The following PTPRD variants were observed in gnomAD, a reference collection of about 807,000 sequenced individuals.
PTPRD encodes protein tyrosine phosphatase receptor type D.
In PTPRD, 34 loss-of-function variants were observed where a neutral mutation model predicts 214.5. That is an observed-to-expected ratio of 0.16 (90% CI 0.12 to 0.21). PTPRD has a LOEUF of 0.21. PTPRD is among the 10% of genes least tolerant of loss of function. PTPRD has a pLI of 1.00. For synonymous variants in PTPRD, 1,128 were observed against 845.7 expected, an observed-to-expected ratio of 1.33 and a Z score of -5.79; for missense variants, 2,545 against 2,398.7, an observed-to-expected ratio of 1.06 and a Z score of -1.27.
intron 5 of PTPRD, among the ~76,000 whole-genome samples, chr9:9,859,221 T>A (rs1362659689): frequency 1.3e-5 from 2 of 152,182 alleles, no homozygotes; most frequent in Non-Finnish European, 2.9e-5. Flanking sequence ...TCCCCAGCCA[T>A]GTAGAACTAG....
intron 7 of PTPRD, among the ~76,000 whole-genome samples, chr9:9,664,172 G>C (rs1428902877): frequency 2.7e-5 from 4 of 149,958 alleles, no homozygotes; most frequent in Non-Finnish European, 6.0e-5. Flanking sequence ...TACACAGCCT[G>C]GCTTTAAAAT....
intron 2 of PTPRD, among the ~76,000 whole-genome samples, chr9:10,372,845 T>TATG (rs2097654321): frequency 1.3e-5 from 2 of 148,870 alleles, no homozygotes; most frequent in South Asian, 4.2e-4. Flanking sequence ...ACATTATTAT[T>TATG]ATTATTATTA....
intron 14 of PTPRD, among the ~76,000 whole-genome samples, chr9:8,626,455 A>T (rs1251412213): frequency 6.6e-6 from 1 of 151,830 alleles, no homozygotes; most frequent in African/African-American, 2.4e-5. Flanking sequence ...ACCATTGTTT[A>T]TACCCACCTG....
intron 8 of PTPRD, among the ~76,000 whole-genome samples, chr9:9,518,706 A>C (rs2096894248): frequency 6.6e-6 from 1 of 152,052 alleles, no homozygotes; most frequent in Non-Finnish European, 1.5e-5. Flanking sequence ...TGTGTGAAAG[A>C]GTTTTAATGT....
chr9:10,190,108 C>T (rs894990044), intron 3 of PTPRD, among the ~76,000 whole-genome samples: 14 of 149,182 alleles, frequency 9.4e-5, no homozygotes, highest in Admixed American at 6.0e-4. Context: ...GGGTCACGCC[C>T]GTAATCCCAG....
rs541864835 is a variant in PTPRD, at chr9:9,289,431, T to G, written c.-202-106068A>C. ...TATACTTAGACATTCTGTCATGATT[T>G]TCATAATCAAATCCATTAACATATC... On this transcript the variant is annotated intron_variant, in intron 9 of 45. Transcript: ENST00000381196. 5.3e-4 allele frequency among the ~76,000 whole-genome samples: 80 copies of G among 152,002 alleles called. 1 individual carries two copies. The highest frequency in any genetic ancestry group is 1.7e-3 in the African/African-American group (70 of 41,558).
At chr9:10,406,643 C>A (rs776218522) in intron 2 of PTPRD, among the ~76,000 whole-genome samples, 1 of 151,512 alleles carries the variant, frequency 6.6e-6, no homozygotes, top group African/African-American at 2.4e-5. Context: ...TATACTGTAA[C>A]TTTAGCTGTA....
chr9:10,272,191 G>A (rs1432491057), intron 3 of PTPRD, among the ~76,000 whole-genome samples: 2 of 152,042 alleles, frequency 1.3e-5, no homozygotes. Context: ...TCACATAAAC[G>A]AAATCATATA....
chr9:9,122,047 C>T (rs2099818113), intron 10 of PTPRD, among the ~76,000 whole-genome samples: 1 of 152,098 alleles, frequency 6.6e-6, no homozygotes, highest in Non-Finnish European at 1.5e-5. Context: ...CTACTCCACC[C>T]ATAAAAGGTA....
rs2094262053 is a variant in PTPRD at position 9,467,407 on chromosome 9, G to C, written c.-236-69925C>G. Among the ~76,000 whole-genome samples, 4 of 150,772 alleles carry C rather than the reference G, an allele frequency of 2.7e-5. No homozygotes were observed. The South Asian group carries it at 8.4e-4, about 32-fold the overall frequency. Reference sequence around the variant, plus strand: ...GTTCAAGACCACCCTGGTCAACATAGTGAAATCTGTCTCTACTAAAAATTC... The same window carrying C: ...GTTCAAGACCACCCTGGTCAACATACTGAAATCTGTCTCTACTAAAAATTC... On this transcript the variant is annotated intron_variant, in intron 8 of 45. Transcript: ENST00000381196.
At chr9:10,489,247 T>C (rs2099152442) in intron 2 of PTPRD, among the ~76,000 whole-genome samples, 1 of 152,092 alleles carries the variant, frequency 6.6e-6, no homozygotes, top group Non-Finnish European at 1.5e-5. Context: ...TGTCTAGAAA[T>C]GTCATCCAAG....
At chr9:8,679,452 G>GTCAGCAAAAGT (rs1442465046) in intron 12 of PTPRD, among the ~76,000 whole-genome samples, 1 of 152,172 alleles carries the variant, frequency 6.6e-6, no homozygotes. Context: ...AGAGAATGAT[G>GTCAGCAAAAGT]TCAGCAAAAG....
At chr9:10,316,178 TAG>T (rs1491027276) in intron 3 of PTPRD, among the ~76,000 whole-genome samples, 5 of 128,704 alleles carry the variant, frequency 3.9e-5, no homozygotes, top group African/African-American at 1.2e-4. Flanking sequence ...TATATATACA[TAG>T]ATATACATAT....
At chr9:8,557,882 A>C (rs2084609351) in intron 14 of PTPRD, among the ~76,000 whole-genome samples, 1 of 151,986 alleles carries the variant, frequency 6.6e-6, no homozygotes. Flanking sequence ...ATATCAAGAA[A>C]CAAGGAAATA....
chr9:10,048,364 G>T (rs2097447341), intron 3 of PTPRD, among the ~76,000 whole-genome samples: 1 of 152,068 alleles, frequency 6.6e-6, no homozygotes, highest in Admixed American at 6.6e-5. Flanking sequence ...CCCTTATATT[G>T]TTTATACCCA....
At chr9:10,497,791 T>C (rs899981139) in intron 2 of PTPRD, among the ~76,000 whole-genome samples, 4 of 152,028 alleles carry the variant, frequency 2.6e-5, no homozygotes, top group Admixed American at 6.6e-5. Flanking sequence ...ATTATGTTTA[T>C]CTTCTACTTT....
Position 8,693,513 on chromosome 9 carries a change from C to A in PTPRD, c.64+40267G>T, listed in dbSNP as rs1043723394. ...TTTTTCATTTCCCTAAAGTCTTATT[C>A]TTTGCAAGCACTTTATCAGTACTTA... On this transcript the variant is annotated intron_variant, in intron 12 of 45. Coordinates refer to ENST00000381196, the MANE Select transcript of PTPRD (RefSeq NM_002839.4). 2.0e-5 allele frequency among the ~76,000 whole-genome samples: 3 copies of A among 152,094 alleles called. No individual in the cohort carries two copies. The South Asian group carries it at 6.2e-4, about 32-fold the overall frequency.
intron 2 of PTPRD, among the ~76,000 whole-genome samples, chr9:10,363,196 T>C (rs778126955): frequency 2.8e-4 from 43 of 152,212 alleles, no homozygotes; most frequent in Admixed American, 5.9e-4. Context: ...GATTATGATT[T>C]GGAGGTTCTT....
At chr9:9,387,329 G>T (rs1308219070) in intron 9 of PTPRD, among the ~76,000 whole-genome samples, 2 of 152,014 alleles carry the variant, frequency 1.3e-5, no homozygotes, top group Non-Finnish European at 2.9e-5. Context: ...CACAGTTTAG[G>T]GCTAGAGTGT....
Sources: allele counts gnomAD v4.1 joint callset (sites outside exome capture counted in the v4.1 genomes callset), GRCh38; gene constraint gnomAD v4.1.1; transcripts MANE v1.5; gene names NCBI Gene and HGNC (gene_info 2026-07-23, HGNC 2026-07-21).